Variants in RNF13 observed in about 807,000 individuals in gnomAD.
The protein encoded by RNF13 is ring finger protein 13, also known as E3 ubiquitin-protein ligase RNF13.
A neutral mutation model predicts 37.7 loss-of-function variants in RNF13; 19 were observed. The ratio of observed to expected loss-of-function variants is 0.50; its 90% CI spans 0.35 to 0.74. RNF13 has a LOEUF of 0.74. Ranked by LOEUF, RNF13 falls within the 30% of genes least tolerant of loss-of-function variation. The pLI, the probability that RNF13 is intolerant of heterozygous loss-of-function variation, is 0.01. For missense variants in RNF13, 375 were observed against 453.0 expected (o/e 0.83, Z 1.56); for synonymous variants, 144 against 157.8 (o/e 0.91, Z 0.65).
chr3:149,852,180 T>TA (rs1407417111), intron 2 of RNF13, among the ~76,000 whole-genome samples: 2 of 152,150 alleles, frequency 1.3e-5, no homozygotes, highest in Non-Finnish European at 2.9e-5. Context: ...ACAGAGAAAT[T>TA]AAAATGGAAC....
chr3:149,957,218 T>C (rs1236004523), intron 8 of RNF13, among the ~76,000 whole-genome samples: 1 of 152,218 alleles, frequency 6.6e-6, no homozygotes, highest in East Asian at 1.9e-4. Flanking sequence ...TGGCTGGATT[T>C]CCAAATTGCC....
intron 8 of RNF13, among the ~76,000 whole-genome samples, chr3:149,948,427 C>A (rs1720988433): frequency 6.6e-6 from 1 of 151,966 alleles, no homozygotes; most frequent in African/African-American, 2.4e-5. Context: ...ACCGCTTTGT[C>A]TTTCCTCTCA....
intron 1 of RNF13, among the ~76,000 whole-genome samples, chr3:149,827,328 A>G (rs1169584607): frequency 6.6e-6 from 1 of 152,192 alleles, no homozygotes; most frequent in Non-Finnish European, 1.5e-5. Flanking sequence ...AAGGAACTTG[A>G]CCATCCATAG....
intron 8 of RNF13, among the ~76,000 whole-genome samples, chr3:149,951,202 T>A (rs1203980854): frequency 6.6e-6 from 1 of 152,138 alleles, no homozygotes; most frequent in African/African-American, 2.4e-5. Flanking sequence ...TACTGGTTCT[T>A]ATGGTGGTTT....
intron 8 of RNF13, among the ~76,000 whole-genome samples, chr3:149,946,830 G>C (rs1356606685): frequency 6.6e-6 from 1 of 152,004 alleles, no homozygotes; most frequent in Non-Finnish European, 1.5e-5. Flanking sequence ...AGCTAGTTGT[G>C]GATTTAGCTT....
At chr3:149,909,937 A>G (rs1171381932) in intron 6 of RNF13, among the ~76,000 whole-genome samples, 1 of 120,312 alleles carries the variant, frequency 8.3e-6, no homozygotes, top group Non-Finnish European at 1.8e-5. Context: ...GGAAGTCATA[A>G]ACATAAAAAG....
At chr3:149,914,814 T>C (rs996124140) in intron 7 of RNF13, among the ~76,000 whole-genome samples, 1 of 151,968 alleles carries the variant, frequency 6.6e-6, no homozygotes, top group African/African-American at 2.4e-5. Flanking sequence ...GGCAGGCGTC[T>C]ATAATCCCAG....
At chr3:149,940,982 A>G (rs1559965610) in intron 8 of RNF13, among the ~76,000 whole-genome samples, 1 of 152,222 alleles carries the variant, frequency 6.6e-6, no homozygotes, top group Non-Finnish European at 1.5e-5. Flanking sequence ...TTTGCTTAGC[A>G]TAATGCCCTC....
intron 3 of RNF13, among the ~76,000 whole-genome samples, chr3:149,860,114 A>C (rs1724062657): frequency 6.6e-6 from 1 of 151,462 alleles, no homozygotes; most frequent in Admixed American, 6.6e-5. Context: ...TAAAAATACA[A>C]AATTAGCCGG....
At chr3:149,922,771 T>C (rs1191044340) in intron 8 of RNF13, among the ~76,000 whole-genome samples, 1 of 152,190 alleles carries the variant, frequency 6.6e-6, no homozygotes, top group Non-Finnish European at 1.5e-5. Flanking sequence ...GGAATTTTAA[T>C]ATCACATAGC....
At chr3:149,845,526 A>G (rs987816239) in intron 1 of RNF13, among the ~76,000 whole-genome samples, 5 of 152,158 alleles carry the variant, frequency 3.3e-5, no homozygotes, top group Admixed American at 3.3e-4. Context: ...GTGGCTGTTA[A>G]TTTTTTGGCA....
chr3:149,836,863 T>C lies in RNF13; in HGVS notation c.-16-9148T>C, dbSNP rs1007580476. On this transcript the variant is annotated intron_variant, in intron 1 of 9. Transcript: ENST00000392894. ...ACATGTGGTACAACACTTCAAGATA[T>C]CATGCTAAGTGAAATAAGCTAGTCA... Among the ~76,000 whole-genome samples the C allele has an allele frequency of 1.2e-4, 18 of 152,320 alleles. No homozygotes were observed. The East Asian group carries it at 2.1e-3, about 18-fold the overall frequency.
intron 8 of RNF13, among the ~76,000 whole-genome samples, chr3:149,938,352 A>AT (rs1242607643): frequency 6.6e-6 from 1 of 150,946 alleles, no homozygotes; most frequent in Non-Finnish European, 1.5e-5. Flanking sequence ...TAATTTTTGT[A>AT]TTTTTTAGTA....
At chr3:149,925,882 C>A (rs769491689) in intron 8 of RNF13, among the ~76,000 whole-genome samples, 8 of 152,156 alleles carry the variant, frequency 5.3e-5, no homozygotes, top group African/African-American at 7.2e-5. Context: ...ATACTTTGTA[C>A]TGATGGACTT....
At chr3:149,893,544 A>G (rs1283933545) in intron 4 of RNF13, among the ~76,000 whole-genome samples, 1 of 152,248 alleles carries the variant, frequency 6.6e-6, no homozygotes, top group Non-Finnish European at 1.5e-5. Context: ...CCAACTGAGT[A>G]TACTTTTGTT....
intron 4 of RNF13, among the ~76,000 whole-genome samples, chr3:149,883,731 T>G (rs1401233632): frequency 6.6e-6 from 1 of 151,914 alleles, no homozygotes; most frequent in Non-Finnish European, 1.5e-5. Context: ...CTGGGGTACA[T>G]GTACAGGATG....
chr3:149,853,455 G>GGAGGGAGAGA (rs1723308144), intron 3 of RNF13, among the ~76,000 whole-genome samples: 1 of 117,262 alleles, frequency 8.5e-6, no homozygotes, highest in Non-Finnish European at 1.8e-5. Flanking sequence ...AGAGAGAGAG[G>GGAGGGAGAGA]GAGAGAGAGA....
chr3:149,858,239 G>A (rs1723860133), intron 3 of RNF13, among the ~76,000 whole-genome samples: 1 of 152,126 alleles, frequency 6.6e-6, no homozygotes, highest in South Asian at 2.1e-4. Context: ...CCTGCCTCAG[G>A]TGTGCTGTTA....
At chr3:149,893,406 C>G (rs1307193797) in intron 4 of RNF13, among the ~76,000 whole-genome samples, 1 of 152,120 alleles carries the variant, frequency 6.6e-6, no homozygotes, top group Non-Finnish European at 1.5e-5. Context: ...TTTTATATTT[C>G]TTAAATTGTG....
Sources: gnomAD v4.1 joint callset for allele counts (sites outside exome capture counted in the v4.1 genomes callset) on GRCh38, gnomAD v4.1.1 for gene constraint, MANE v1.5 for transcripts, NCBI Gene and HGNC (gene_info 2026-07-23, HGNC 2026-07-21) for gene names.